ZUP1: variants seen among roughly 807,000 people sequenced by gnomAD.
ZUP1 encodes zinc finger-containing ubiquitin peptidase 1.
Under a neutral mutation model 68.1 loss-of-function variants are expected in ZUP1, and 55 were observed. That is an observed-to-expected ratio of 0.81 (90% CI 0.65 to 1.01). The LOEUF (loss-of-function observed/expected upper bound fraction) is 1.01. ZUP1 is among the 50% of genes least tolerant of loss of function. ZUP1 has a pLI of 0.00. For missense variants in ZUP1, 684 were observed against 674.9 expected, an observed-to-expected ratio of 1.01 and a Z score of -0.15; for synonymous variants, 223 against 221.5, an observed-to-expected ratio of 1.01 and a Z score of -0.06.
At chr6:116,640,015 C>A (rs1342990311) in intron 9 of ZUP1, among the ~76,000 whole-genome samples, 1 of 152,218 alleles carries the variant, frequency 6.6e-6, no homozygotes, top group East Asian at 1.9e-4. Context: ...AGCTGAAAGC[C>A]AAGGCTCGAG....
At position 116,635,786 on chromosome 6, in the gene ZUP1, A is replaced by G. The variant is rs749197813; in HGVS notation, c.*46T>C. 6.6e-6 allele frequency: 10 copies of G among 1,514,990 alleles called. No homozygotes were observed. In the South Asian group the frequency reaches 1.1e-4, roughly 17 times the overall value. The allele number at this position is 1,514,990 out of a possible 1,614,324, so 93.8% of individuals were successfully genotyped here. ...GGAGTTCAATATCTACATTTAGAAA[A>G]CAAAGTATTGTTCTCAATCACTGAA... On this transcript the variant is annotated 3_prime_UTR_variant, in exon 10 of 10. Transcript: ENST00000368576.
At chr6:116,638,903 C>T (rs527351269) in intron 9 of ZUP1, among the ~76,000 whole-genome samples, 15 of 152,320 alleles carry the variant, frequency 9.8e-5, no homozygotes, top group Admixed American at 4.6e-4. Flanking sequence ...ACTCGGGAAG[C>T]GCAAGGGGTC....
intron 2 of ZUP1, 131 bp downstream of exon 2, chr6:116,666,503 A>G (rs1235883891): frequency 4.9e-6 from 3 of 616,984 alleles, no homozygotes; most frequent in Non-Finnish European, 7.5e-6. Flanking sequence ...ACAGCAAATG[A>G]AAAATGTTAT....
intron 7 of ZUP1, among the ~76,000 whole-genome samples, chr6:116,651,164 T>C (rs1776478252): frequency 6.6e-6 from 1 of 152,262 alleles, no homozygotes; most frequent in South Asian, 2.1e-4. Flanking sequence ...TAAATGATTT[T>C]AGAAAAAATC....
Position 116,647,483 on chromosome 6 carries a change from G to T in ZUP1, c.1444C>A (p.Pro482Thr), listed in dbSNP as rs957369198. ...GSPKVVCTSKPPIYLQHQGHS... is the reference protein window; with the variant it reads ...GSPKVVCTSKTPIYLQHQGHS... Reference sequence around the variant, plus strand: ...CCTTGATGCTGAAGATAGATAGGAGGTTTAGATGTACACACTACCTTTGGA... The same window carrying T: ...CCTTGATGCTGAAGATAGATAGGAGTTTTAGATGTACACACTACCTTTGGA... The change falls in exon 8 of 10, where the codon CCT (proline) becomes ACT (threonine). Residue 482 changes from proline (P) to threonine (T), a missense_variant. By Grantham distance (38) the Pro-to-Thr change is conservative. Transcript: ENST00000368576. 6.3e-7 allele frequency: 1 copy of T among 1,579,844 alleles called. No individual in the cohort carries two copies. The highest frequency in any genetic ancestry group is 8.6e-7 in the Non-Finnish European group (1 of 1,158,624).
intron 8 of ZUP1, 178 bp from the exon 9 acceptor site, chr6:116,646,112 C>A (rs187953718): frequency 4.8e-4 from 210 of 435,316 alleles, no homozygotes; most frequent in African/African-American, 4.1e-3. Context: ...TCAGTTTTTT[C>A]ATTTAACTTT....
chr6:116,636,690 G>T (rs1481166236), intron 9 of ZUP1, among the ~76,000 whole-genome samples: 1 of 152,024 alleles, frequency 6.6e-6, no homozygotes, highest in Non-Finnish European at 1.5e-5. Flanking sequence ...ATAGTTGCAT[G>T]ATTATTAAAA....
intron 9 of ZUP1, among the ~76,000 whole-genome samples, chr6:116,636,849 T>C (rs1056469253): frequency 6.6e-6 from 1 of 152,108 alleles, no homozygotes; most frequent in African/African-American, 2.4e-5. Context: ...GAAATACTTT[T>C]AAAAAATGAG....
intron 2 of ZUP1, among the ~76,000 whole-genome samples, chr6:116,662,635 T>C (rs147748550): frequency 1.5e-3 from 226 of 152,326 alleles, no homozygotes; most frequent in Middle Eastern, 3.4e-3. Flanking sequence ...ATCAGTCAGC[T>C]TCTCTATACA....
At chr6:116,665,957 T>C (rs563907141) in intron 2 of ZUP1, among the ~76,000 whole-genome samples, 8 of 151,922 alleles carry the variant, frequency 5.3e-5, no homozygotes, top group Admixed American at 6.6e-5. Flanking sequence ...ACACCAACAA[T>C]AGAGTCTCAA....
At chr6:116,655,043 G>C (rs1210536315) in intron 5 of ZUP1, among the ~76,000 whole-genome samples, 1 of 151,962 alleles carries the variant, frequency 6.6e-6, no homozygotes, top group Non-Finnish European at 1.5e-5. Flanking sequence ...TAAATTATAA[G>C]AGTAGAAAAC....
intron 4 of ZUP1, 40 bp from the exon 5 acceptor site, chr6:116,656,892 C>A: frequency 7.3e-7 from 1 of 1,362,748 alleles, no homozygotes. Context: ...TTTTACATCC[C>A]TGTAACTCTA....
rs1361765480 is a variant in ZUP1 at position 116,667,236 on chromosome 6, A to T, written c.-15-29T>A. ...GAAAAGAACATAACATTAGGTTTCA[A>T]AGATTTGAAGAAAAAATGTGTTTCA... On this transcript the variant is annotated intron_variant, in intron 1 of 9. Coordinates refer to ENST00000368576, the MANE Select transcript of ZUP1 (RefSeq NM_145062.3). 3 of 1,374,912 alleles carry T rather than the reference A, an allele frequency of 2.2e-6. No individual in the cohort carries two copies. In the East Asian group the frequency reaches 7.4e-5, roughly 34 times the overall value. The allele number at this position is 1,374,912 out of a possible 1,614,324, so 85.2% of individuals were successfully genotyped here.
At chr6:116,658,654 C>A (rs1343216775) in intron 4 of ZUP1, 149 bp downstream of exon 4, 5 of 678,764 alleles carry the variant, frequency 7.4e-6, no homozygotes, top group South Asian at 2.3e-5. Flanking sequence ...CTGTGCCTCA[C>A]TAGAATGAAT....
intron 5 of ZUP1, among the ~76,000 whole-genome samples, 156 bp from the exon 6 acceptor site, chr6:116,652,348 T>C (rs1049275280): frequency 6.6e-6 from 1 of 152,188 alleles, no homozygotes; most frequent in African/African-American, 2.4e-5. Context: ...TTTGTGTCCT[T>C]GCTTGTTACT....
chr6:116,667,791 C>T (rs532928008), intron 1 of ZUP1, among the ~76,000 whole-genome samples: 3 of 152,116 alleles, frequency 2.0e-5, no homozygotes, highest in Non-Finnish European at 4.4e-5. Flanking sequence ...CCGTCGTGCT[C>T]CACAGCCTGT....
At chr6:116,660,611 A>C in intron 3 of ZUP1, 125 bp downstream of exon 3, 1 of 579,350 alleles carries the variant, frequency 1.7e-6, no homozygotes, top group Non-Finnish European at 3.0e-6. Context: ...CTTGTAAATA[A>C]AACACTTTTA....
At chr6:116,663,264 TTTTC>T (rs1776899800) in intron 2 of ZUP1, among the ~76,000 whole-genome samples, 1 of 152,106 alleles carries the variant, frequency 6.6e-6, no homozygotes, top group Admixed American at 6.5e-5. Context: ...CCCCTCATGT[TTTTC>T]TTTACTTTCC....
At chr6:116,663,816 G>A (rs1053406588) in intron 2 of ZUP1, among the ~76,000 whole-genome samples, 2 of 151,686 alleles carry the variant, frequency 1.3e-5, no homozygotes, top group Non-Finnish European at 2.9e-5. Flanking sequence ...GCGTGGTGGT[G>A]CAGGCCTGTA....
Sources: allele counts gnomAD v4.1 joint callset (sites outside exome capture counted in the v4.1 genomes callset), GRCh38; gene constraint gnomAD v4.1.1; transcripts MANE v1.5; gene names NCBI Gene and HGNC (gene_info 2026-07-23, HGNC 2026-07-21).